The following PRKAG2 variants were observed in gnomAD, a reference collection of about 807,000 sequenced individuals.
PRKAG2 encodes the protein 5'-AMP-activated protein kinase subunit gamma-2.
In PRKAG2, 26 loss-of-function variants were observed where a neutral mutation model predicts 69.6. The observed-to-expected ratio is 0.37, with a 90% CI of 0.27 to 0.52. The LOEUF is 0.52. Ranked by LOEUF, PRKAG2 falls within the 20% of genes least tolerant of loss-of-function variation. The pLI is 0.90. For missense variants in PRKAG2, 557 were observed against 740.0 expected (o/e 0.75, Z 2.87); for synonymous variants, 293 against 285.0 (o/e 1.03, Z -0.28).
chr7:151,620,798 A>AT (rs397689424), intron 5 of PRKAG2, among the ~76,000 whole-genome samples: 33 of 149,408 alleles, frequency 2.2e-4, no homozygotes, highest in Admixed American at 8.6e-4. Flanking sequence ...GATTAAAAAA[A>AT]TTTTTTTTTA....
rs545302619 is a variant in PRKAG2, at chr7:151,777,641, G to T, written c.466+3511C>A. Among the ~76,000 whole-genome samples, 2 of 152,324 alleles carry T rather than the reference G, an allele frequency of 1.3e-5. No homozygotes were observed. The highest frequency in any genetic ancestry group is 2.1e-4 in the South Asian group (1 of 4,826). On this transcript the variant is annotated intron_variant, in intron 3 of 15. Coordinates refer to ENST00000287878, the MANE Select transcript of PRKAG2 (RefSeq NM_016203.4). The surrounding 1 kb of genome is among the most constrained non-coding windows in gnomAD (Gnocchi z 4.3). Reference sequence around the variant, plus strand: ...CACCTTGGCAGAGATCACGACAGCAGGAGAAGGTCCAGCCTGGCCCACTCC... The same window carrying T: ...CACCTTGGCAGAGATCACGACAGCATGAGAAGGTCCAGCCTGGCCCACTCC...
intron 3 of PRKAG2, among the ~76,000 whole-genome samples, chr7:151,751,905 C>T (rs180755724): frequency 1.3e-5 from 2 of 152,296 alleles, no homozygotes; most frequent in Admixed American, 6.5e-5. Context: ...GACATGCACA[C>T]GTAAACACTA....
At position 151,777,204 on chromosome 7, in the gene PRKAG2, C is replaced by T. The variant is rs567237422; in HGVS notation, c.466+3948G>A. Reference sequence around the variant, plus strand: ...TCAGCATGGGCCCCGAGGTCTAGCTCTTCACTGCGGCAGCACCCCATGTGG... The same window carrying T: ...TCAGCATGGGCCCCGAGGTCTAGCTTTTCACTGCGGCAGCACCCCATGTGG... On this transcript the variant is annotated intron_variant, in intron 3 of 15. Transcript: ENST00000287878. This position sits in a 1 kb window ranked among gnomAD's most constrained non-coding sequence, Gnocchi z 4.3. Among the ~76,000 whole-genome samples the T allele has an allele frequency of 6.6e-6, 1 of 152,338 alleles. No individual in the cohort carries two copies. The highest frequency in any genetic ancestry group is 1.5e-5 in the Non-Finnish European group (1 of 68,030).
Position 151,722,127 on chromosome 7 carries a change from T to C in PRKAG2, c.467-46490A>G, listed in dbSNP as rs372448680. ...CCTAGTGCCCACAGCACAGTGAGCC[T>C]GTAACCCGTATTTCTCATTAGTTGG... On this transcript the variant is annotated intron_variant, in intron 3 of 15. Coordinates refer to ENST00000287878, the MANE Select transcript of PRKAG2 (RefSeq NM_016203.4). Among the ~76,000 whole-genome samples, 4 of 152,176 alleles carry C rather than the reference T, an allele frequency of 2.6e-5. No individual in the cohort carries two copies. In the East Asian group the frequency reaches 5.8e-4, roughly 22 times the overall value.
chr7:151,650,660 G>A (rs1193756350), intron 4 of PRKAG2, among the ~76,000 whole-genome samples: 3 of 152,130 alleles, frequency 2.0e-5, no homozygotes, highest in Non-Finnish European at 4.4e-5. Flanking sequence ...ACCCACCATT[G>A]CTTTTCCCCA....
At chr7:151,573,993 G>A (rs1375171099) in intron 8 of PRKAG2, among the ~76,000 whole-genome samples, 1 of 152,020 alleles carries the variant, frequency 6.6e-6, no homozygotes, top group African/African-American at 2.4e-5. Context: ...TGGCCAGGCT[G>A]GTCTCCAACT....
chr7:151,817,619 C>T (rs187075700), intron 1 of PRKAG2, among the ~76,000 whole-genome samples: 91 of 152,336 alleles, frequency 6.0e-4, no homozygotes, highest in African/African-American at 2.1e-3. Context: ...CTAGCCCTGC[C>T]CCTAAAGCCC....
At chr7:151,611,737 T>G (rs909311234) in intron 5 of PRKAG2, among the ~76,000 whole-genome samples, 50 of 152,084 alleles carry the variant, frequency 3.3e-4, no homozygotes, top group Non-Finnish European at 1.8e-4. Context: ...ACTCATCATC[T>G]CAGACAACAT....
At chr7:151,684,049 C>T (rs893509450) in intron 3 of PRKAG2, among the ~76,000 whole-genome samples, 4 of 152,228 alleles carry the variant, frequency 2.6e-5, no homozygotes, top group Admixed American at 6.5e-5. Context: ...GAGCCCTACC[C>T]TCCAGGGCCG....
intron 1 of PRKAG2, among the ~76,000 whole-genome samples, chr7:151,842,430 ATGGTAGTGATGGTAGGTG>A (rs2079326160): frequency 7.5e-6 from 1 of 132,464 alleles, no homozygotes; most frequent in African/African-American, 3.0e-5. Context: ...GTAGGTGGGG[ATGGTAGTGATGGTAGGTG>A]GGGATGGTAG....
intron 2 of PRKAG2, among the ~76,000 whole-genome samples, chr7:151,782,297 A>AAAGGAAGGAAGGAAGGAAGG (rs869298573): frequency 2.0e-4 from 8 of 39,816 alleles, no homozygotes; most frequent in Middle Eastern, 0.011. Context: ...GAAAGGAAAG[A>AAAGGAAGGAAGGAAGGAAGG]AAGGAAGGAA....
chr7:151,744,507 C>T (rs1381277977), intron 3 of PRKAG2, among the ~76,000 whole-genome samples: 3 of 152,248 alleles, frequency 2.0e-5, no homozygotes, highest in Admixed American at 2.0e-4. Flanking sequence ...TGAATACCTA[C>T]AGGATCAAGC....
chr7:151,640,344 C>G (rs961750943), intron 4 of PRKAG2, among the ~76,000 whole-genome samples: 1 of 152,084 alleles, frequency 6.6e-6, no homozygotes, highest in African/African-American at 2.4e-5. Flanking sequence ...TTATTATTCA[C>G]TAACTTAGAA....
chr7:151,745,013 C>T (rs917231852), intron 3 of PRKAG2, among the ~76,000 whole-genome samples: 4 of 152,156 alleles, frequency 2.6e-5, no homozygotes, highest in East Asian at 3.8e-4. Context: ...GCCCAGGATC[C>T]GTGGGCAGCT....
chr7:151,817,821 G>T (rs2078680276), intron 1 of PRKAG2, among the ~76,000 whole-genome samples: 1 of 152,204 alleles, frequency 6.6e-6, no homozygotes, highest in Non-Finnish European at 1.5e-5. Context: ...GCAAATCCAG[G>T]ATTCGATCAA....
chr7:151,843,884 C>T (rs564500348), intron 1 of PRKAG2, among the ~76,000 whole-genome samples: 2 of 152,380 alleles, frequency 1.3e-5, no homozygotes, highest in East Asian at 1.9e-4. Flanking sequence ...AAGGCTCCAT[C>T]GTCCTCAGAG....
At chr7:151,597,821 C>CCA (rs1554482761) in intron 5 of PRKAG2, among the ~76,000 whole-genome samples, 971 of 19,792 alleles carry the variant, frequency 0.049, 28 homozygotes, top group Middle Eastern at 0.088. Flanking sequence ...CAAAAGGGAG[C>CCA]CCCCCCCCCC....
At chr7:151,634,696 T>C (rs970053290) in intron 4 of PRKAG2, among the ~76,000 whole-genome samples, 1 of 151,988 alleles carries the variant, frequency 6.6e-6, no homozygotes, top group African/African-American at 2.4e-5. Flanking sequence ...AATTAGAACA[T>C]AGGCAAATGA....
At chr7:151,678,721 G>A (rs138129209) in intron 3 of PRKAG2, among the ~76,000 whole-genome samples, 113 of 152,354 alleles carry the variant, frequency 7.4e-4, no homozygotes, top group Non-Finnish European at 1.5e-3. Context: ...CATTTCAGGA[G>A]GCTGAAGTGG....
Sources: gnomAD v4.1 joint callset for allele counts (sites outside exome capture counted in the v4.1 genomes callset) on GRCh38, gnomAD v4.1.1 for gene constraint, Gnocchi (gnomAD v3.1) non-coding constraint, MANE v1.5 for transcripts, NCBI Gene and HGNC (gene_info 2026-07-23, HGNC 2026-07-21) for gene names.